The following JAKMIP1 variants were observed in gnomAD, a reference collection of about 807,000 sequenced individuals.
JAKMIP1 encodes janus kinase and microtubule interacting protein 1, also known as janus kinase and microtubule-interacting protein 1.
In JAKMIP1, 33 loss-of-function variants were observed where a neutral mutation model predicts 113.0. The ratio of observed to expected loss-of-function variants is 0.29; its 90% CI spans 0.22 to 0.39. The LOEUF (loss-of-function observed/expected upper bound fraction) is 0.39. Among genes scored for constraint, JAKMIP1 ranks in the 10% least tolerant of loss-of-function variants. JAKMIP1 has a pLI of 1.00. For synonymous variants in JAKMIP1, 480 were observed against 459.9 expected, an observed-to-expected ratio of 1.04 and a Z score of -0.56; for missense variants, 813 against 1,080.5, an observed-to-expected ratio of 0.75 and a Z score of 3.47.
intron 12 of JAKMIP1, 118 bp from the exon 13 acceptor site, chr4:6,054,266 G>A: frequency 1.1e-6 from 1 of 897,474 alleles, no homozygotes; most frequent in Non-Finnish European, 1.8e-6. Context: ...GAGGCAAGGG[G>A]CAGGAGAGGG....
intron 18 of JAKMIP1, among the ~76,000 whole-genome samples, 154 bp from the exon 19 acceptor site, chr4:6,036,261 G>A (rs1268924376): frequency 3.3e-5 from 5 of 152,360 alleles, no homozygotes; most frequent in East Asian, 3.9e-4. Flanking sequence ...AGCAGTGCCC[G>A]GGGGAGCAGG....
rs1436832912 is a variant in JAKMIP1 at position 6,088,323 on chromosome 4, G to A, written c.625-2694C>T. Among the ~76,000 whole-genome samples the A allele has an allele frequency of 6.6e-6, 1 of 152,220 alleles. No homozygotes were observed. Among genetic ancestry groups the A allele is most frequent in the Non-Finnish European group, 1.5e-5 (1 of 68,036 alleles). On this transcript the variant is annotated intron_variant, in intron 3 of 20. Transcript: ENST00000409021. This position sits in a 1 kb window ranked among gnomAD's most constrained non-coding sequence, Gnocchi z 5.5. Reference sequence around the variant, plus strand: ...GCAAAGGAAATCGGTAGGGGCAGTGGAGGGTGTTGCAAACCAACAGTTTGT... The same window carrying A: ...GCAAAGGAAATCGGTAGGGGCAGTGAAGGGTGTTGCAAACCAACAGTTTGT...
rs1363749478 is a variant in JAKMIP1, at chr4:6,199,834, G to A, written c.-148+419C>T. Among the ~76,000 whole-genome samples the A allele has an allele frequency of 4.0e-5, 6 of 151,646 alleles. No homozygotes were observed. The highest frequency in any genetic ancestry group is 1.5e-4 in the African/African-American group (6 of 41,326). On this transcript the variant is annotated intron_variant, in intron 1 of 20. Transcript: ENST00000409021. The surrounding 1 kb of genome is among the most constrained non-coding windows in gnomAD (Gnocchi z 5.6). The stretch of plus-strand genomic sequence containing the variant: ...CGGAAGACACGGAGGGGACGGGCCG[G>A]CCACACCCCCCGCGCCACTCCGGCA...
In JAKMIP1 at chr4:6,156,971, A is replaced by G. The variant is rs1044877358; in HGVS notation, c.-148+43282T>C. On this transcript the variant is annotated intron_variant, in intron 1 of 20. Transcript: ENST00000409021. This position sits in a 1 kb window ranked among gnomAD's most constrained non-coding sequence, Gnocchi z 5.0. The stretch of plus-strand genomic sequence containing the variant: ...CCCTCAAAGTTCACTGTTAATCCCC[A>G]ATGCACCAGTGTAAAGAGGGGGGAC... Among the ~76,000 whole-genome samples the G allele has an allele frequency of 8.5e-5, 13 of 152,170 alleles. No individual in the cohort carries two copies. Among genetic ancestry groups the G allele is most frequent in the Admixed American group, 7.9e-4 (12 of 15,280 alleles).
Position 6,086,747 on chromosome 4 carries a change from ATTAG to A in JAKMIP1, c.625-1122_625-1119del, listed in dbSNP as rs376117460. Among the ~76,000 whole-genome samples the A allele has an allele frequency of 2.6e-5, 4 of 151,984 alleles. No homozygotes were observed. The highest frequency in any genetic ancestry group is 9.7e-5 in the African/African-American group (4 of 41,398). On this transcript the variant is annotated intron_variant, in intron 3 of 20. Coordinates refer to ENST00000409021, the MANE Select transcript of JAKMIP1 (RefSeq NM_001099433.2). The surrounding 1 kb of genome is among the most constrained non-coding windows in gnomAD (Gnocchi z 4.1). ...TGGAAAGAGGGTAACTGCAGGTGCA[ATTAG>A]TTAAGATGAGGTCATCCTGGAGCAG...
chr4:6,094,279 A>G lies in JAKMIP1; in HGVS notation c.625-8650T>C, dbSNP rs1304931014. On this transcript the variant is annotated intron_variant, in intron 3 of 20. Transcript: ENST00000409021. The surrounding 1 kb of genome is among the most constrained non-coding windows in gnomAD (Gnocchi z 4.2). ...ACCAAATGGAGTGCCCGGAAAATAT[A>G]TAGCCTCTCTTCCGTAATTTTCTGG... 2.0e-5 allele frequency among the ~76,000 whole-genome samples: 3 copies of G among 152,218 alleles called. No homozygotes were observed. Among genetic ancestry groups the G allele is most frequent in the Admixed American group, 1.3e-4 (2 of 15,290 alleles).
chr4:6,083,860 A>G (rs770176706), intron 5 of JAKMIP1, among the ~76,000 whole-genome samples: 6 of 152,236 alleles, frequency 3.9e-5, no homozygotes, highest in Non-Finnish European at 5.9e-5. Context: ...AAACATATTC[A>G]TGAAATTTCT....
rs1719127241 is a variant in JAKMIP1, at chr4:6,135,685, T to C, written c.-147-22688A>G. The stretch of plus-strand genomic sequence containing the variant: ...ACCACCCCCGCTGAGAAGTTGCTTC[T>C]TGCCCCATGTTACCTATGACAAACC... On this transcript the variant is annotated intron_variant, in intron 1 of 20. Coordinates refer to ENST00000409021, the MANE Select transcript of JAKMIP1 (RefSeq NM_001099433.2). The surrounding 1 kb of genome is among the most constrained non-coding windows in gnomAD (Gnocchi z 4.9). 6.6e-6 allele frequency among the ~76,000 whole-genome samples: 1 copy of C among 152,206 alleles called. No homozygotes were observed. The highest frequency in any genetic ancestry group is 1.5e-5 in the Non-Finnish European group (1 of 68,036).
chr4:6,131,366 C>CAA (rs34129127), intron 1 of JAKMIP1, among the ~76,000 whole-genome samples: 7,073 of 85,174 alleles, frequency 0.083, 656 homozygotes, highest in African/African-American at 0.24. Context: ...GGATAACTGC[C>CAA]AAAAAAAAAA....
At chr4:6,057,474 G>A (rs565706660) in intron 11 of JAKMIP1, among the ~76,000 whole-genome samples, 101 of 152,260 alleles carry the variant, frequency 6.6e-4, no homozygotes, top group Middle Eastern at 3.4e-3. Flanking sequence ...CCGGCCTAGG[G>A]TCTGGTCCCA....
chr4:6,159,052 G>A (rs1253222412), intron 1 of JAKMIP1, among the ~76,000 whole-genome samples: 1 of 149,796 alleles, frequency 6.7e-6, no homozygotes, highest in East Asian at 2.0e-4. Flanking sequence ...TGGTGCCACT[G>A]CACTCAAGCT....
chr4:6,037,504 C>G (rs919230623), intron 18 of JAKMIP1, among the ~76,000 whole-genome samples: 2 of 142,674 alleles, frequency 1.4e-5, no homozygotes, highest in Non-Finnish European at 3.0e-5. Flanking sequence ...ATCACTGAGT[C>G]AGAGGTTAAC....
chr4:6,150,402 C>T lies in JAKMIP1; in HGVS notation c.-147-37405G>A, dbSNP rs1721425175. On this transcript the variant is annotated intron_variant, in intron 1 of 20. Coordinates refer to ENST00000409021, the MANE Select transcript of JAKMIP1 (RefSeq NM_001099433.2). The surrounding 1 kb of genome is among the most constrained non-coding windows in gnomAD (Gnocchi z 4.8). ...TGTCAGCTTCTAACTAAAAGCCTTA[C>T]TGTGCAGCGGGCTTCTCAAGGACAG... 6.6e-6 allele frequency: 1 copy of T among 152,268 alleles called. No individual in the cohort carries two copies. Among genetic ancestry groups the T allele is most frequent in the African/African-American group, 2.4e-5 (1 of 41,430 alleles). 9.4% of individuals were successfully genotyped at this position (152,268 alleles called of 1,614,324 possible).
Position 6,112,929 on chromosome 4 carries a change from G to A in JAKMIP1, c.-79C>T, listed in dbSNP as rs955984850. The A allele has an allele frequency of 7.1e-6, 11 of 1,555,358 alleles. No individual in the cohort carries two copies. Among genetic ancestry groups the A allele is most frequent in the Non-Finnish European group, 8.7e-6 (10 of 1,149,758 alleles). ...CGCCAGCCAGCAGGCGTGGCTACCAGCTCCACCGTGCTAACCAGTCGCGCA... is the reference window on the plus strand; with the variant it reads ...CGCCAGCCAGCAGGCGTGGCTACCAACTCCACCGTGCTAACCAGTCGCGCA... On this transcript the variant is annotated 5_prime_UTR_variant, in exon 2 of 21. Coordinates refer to ENST00000409021, the MANE Select transcript of JAKMIP1 (RefSeq NM_001099433.2).
rs1723921730 is a variant in JAKMIP1 at position 6,168,379 on chromosome 4, A to G, written c.-148+31874T>C. Among the ~76,000 whole-genome samples, 1 of 152,226 alleles carries G rather than the reference A, an allele frequency of 6.6e-6. No individual in the cohort carries two copies. The highest frequency in any genetic ancestry group is 2.4e-5 in the African/African-American group (1 of 41,472). ...CACGATTCCTAACACCCAACATGTGAACACAACCCAAATGTGCATCAGTTA... is the reference window on the plus strand; with the variant it reads ...CACGATTCCTAACACCCAACATGTGGACACAACCCAAATGTGCATCAGTTA... On this transcript the variant is annotated intron_variant, in intron 1 of 20. Transcript: ENST00000409021. The surrounding 1 kb of genome is among the most constrained non-coding windows in gnomAD (Gnocchi z 4.6).
chr4:6,063,337 A>C (rs1216446914), intron 9 of JAKMIP1, among the ~76,000 whole-genome samples: 1 of 152,246 alleles, frequency 6.6e-6, no homozygotes, highest in African/African-American at 2.4e-5. Context: ...TGCCTATTAC[A>C]TATCACTGGC....
rs1578091056 is a variant in JAKMIP1, at chr4:6,050,160, C to T, written c.1909-288G>A. ...GAGCAGGGCTCTAGGACACGGTAAA[C>T]CCCGGGCCCTTCTAGCAACCACAGC... On this transcript the variant is annotated intron_variant, in intron 14 of 20. Transcript: ENST00000409021. The surrounding 1 kb of genome is among the most constrained non-coding windows in gnomAD (Gnocchi z 7.4). Among the ~76,000 whole-genome samples the T allele has an allele frequency of 6.6e-6, 1 of 152,202 alleles. No homozygotes were observed. Among genetic ancestry groups the T allele is most frequent in the Non-Finnish European group, 1.5e-5 (1 of 68,042 alleles).
chr4:6,089,590 C>T lies in JAKMIP1; in HGVS notation c.625-3961G>A, dbSNP rs568395611. On this transcript the variant is annotated intron_variant, in intron 3 of 20. Transcript: ENST00000409021. The surrounding 1 kb of genome is among the most constrained non-coding windows in gnomAD (Gnocchi z 5.3). ...TGCAGATTGTACTCTCCAAGCCCTC[C>T]CTGTCCCCTCTGCCCCAAAGGAACA... Among the ~76,000 whole-genome samples the T allele has an allele frequency of 1.3e-3, 199 of 152,278 alleles. No individual in the cohort carries two copies. The highest frequency in any genetic ancestry group is 2.4e-3 in the Non-Finnish European group (161 of 68,024).
intron 2 of JAKMIP1, among the ~76,000 whole-genome samples, chr4:6,111,768 A>G (rs1479872384): frequency 6.6e-6 from 1 of 152,164 alleles, no homozygotes; most frequent in African/African-American, 2.4e-5. Context: ...CAAAGCTCAA[A>G]TCTGCCTTAG....
Sources: gnomAD v4.1 joint callset for allele counts (sites outside exome capture counted in the v4.1 genomes callset) on GRCh38, gnomAD v4.1.1 for gene constraint, Gnocchi (gnomAD v3.1) non-coding constraint, MANE v1.5 for transcripts, NCBI Gene and HGNC (gene_info 2026-07-23, HGNC 2026-07-21) for gene names.